MXD3: variants seen among roughly 807,000 people sequenced by gnomAD.
MXD3 encodes the protein Max-associated protein 3.
A neutral mutation model predicts 27.5 loss-of-function variants in MXD3; 20 were observed. That is an observed-to-expected ratio of 0.73 (90% CI 0.51 to 1.06). The LOEUF is 1.06. Among genes scored for constraint, MXD3 ranks in the 50% least tolerant of loss-of-function variants. The probability of loss-of-function intolerance (pLI) is 0.00; values close to 1 mark genes in which losing one functional copy is unlikely to be tolerated. For missense variants in MXD3, 298 were observed against 291.3 expected (o/e 1.02, Z -0.17); for synonymous variants, 150 against 130.7 (o/e 1.15, Z -1.01).
At chr5:177,305,536 C>A (rs72813180), downstream of MXD3, 2 of 308,776 alleles carry the variant, frequency 6.5e-6, no homozygotes, top group South Asian at 6.5e-5. Context: ...TCAGGAAGCT[C>A]CAGAGCTGCA....
Position 177,311,412 on chromosome 5 carries a change from G to A in MXD3, c.143C>T (p.Pro48Leu), listed in dbSNP as rs775046841. 84 of 1,441,336 alleles carry A rather than the reference G, an allele frequency of 5.8e-5. No homozygotes were observed. The highest frequency in any genetic ancestry group is 6.5e-5 in the Non-Finnish European group (72 of 1,104,156). The allele number at this position is 1,441,336 out of a possible 1,614,324, so 89.3% of individuals were successfully genotyped here. A position where few individuals can be genotyped will look rare whatever the true frequency, so the allele number is the denominator to read the frequency against. ...PGPIHRRKKR[P>L]PQAPGAQDSG... ...GTCCTGCGCGCCAGGAGCCTGGGGGGGTCGCTTCTTCCTCCTGTGGATGGG... is the reference window on the plus strand; with the variant it reads ...GTCCTGCGCGCCAGGAGCCTGGGGGAGTCGCTTCTTCCTCCTGTGGATGGG... Residue 48 changes from proline (P) to leucine (L), a missense_variant, in exon 2 of 6, where the codon CCC (proline) becomes CTC (leucine). Coordinates refer to ENST00000439742, the MANE Select transcript of MXD3 (RefSeq NM_031300.4).
At position 177,309,009 on chromosome 5, in the gene MXD3, G is replaced by A. The variant is rs567926041; in HGVS notation, c.322-1045C>T. Among the ~76,000 whole-genome samples the A allele has an allele frequency of 2.0e-5, 3 of 152,316 alleles. No homozygotes were observed. The East Asian group carries it at 5.8e-4, about 29-fold the overall frequency. The stretch of plus-strand genomic sequence containing the variant: ...TGGGCCATGGAGGCGTTTGGACTGG[G>A]CGTAGAAAGATAAGAGCTGCCGAGG... On this transcript the variant is annotated intron_variant, in intron 4 of 5. Transcript: ENST00000439742.
rs748684039 is a variant in MXD3, at chr5:177,311,854, C to G, written c.-24G>C. ...ATGTCGGCGACAGCTGGCGGCGGGC[C>G]GGCCTAGGGTGCCGGCCGGAGCAAG... is the stretch of plus-strand genomic sequence containing the variant. On this transcript the variant is annotated 5_prime_UTR_variant, in exon 1 of 6. Transcript: ENST00000439742. The G allele has an allele frequency of 6.2e-7, 1 of 1,606,296 alleles. No individual in the cohort carries two copies. The highest frequency in any genetic ancestry group is 8.5e-7 in the Non-Finnish European group (1 of 1,176,546).
At chr5:177,312,390 A>G, upstream of MXD3, 2 of 985,346 alleles carry the variant, frequency 2.0e-6, no homozygotes, top group Non-Finnish European at 2.4e-6. Context: ...CTGATGCCCT[A>G]TTGGCTGGCG....
downstream of MXD3, chr5:177,306,442 C>G: frequency 1.2e-6 from 2 of 1,614,130 alleles, no homozygotes; most frequent in Non-Finnish European, 1.7e-6. Context: ...TTCCAAAACA[C>G]TTGTTGAGAC....
At chr5:177,310,961 C>T (rs1431625578) in intron 2 of MXD3, 8 of 591,538 alleles carry the variant, frequency 1.4e-5, no homozygotes, top group East Asian at 1.1e-4. Context: ...CAGAAAGGAC[C>T]TCCCAGAGGT....
chr5:177,311,558 G>C, intron 1 of MXD3, 74 bp from the exon 2 acceptor site: 1 of 1,278,888 alleles, frequency 7.8e-7, no homozygotes, highest in Non-Finnish European at 1.1e-6. Flanking sequence ...GGCACAGCAC[G>C]GTCAAGGAAA....
chr5:177,306,598 G>C (rs752801287), downstream of MXD3: 13 of 1,601,504 alleles, frequency 8.1e-6, no homozygotes, highest in Non-Finnish European at 1.1e-5. Context: ...CAGCACCCCA[G>C]ACAGCTAGGC....
chr5:177,308,074 G>C lies in MXD3; in HGVS notation c.322-110C>G. ...GGCCACAGGGCCAATGCCCACTCCG[G>C]GCAGGTGGCGACTAAATCCAGGCCC... On this transcript the variant is annotated intron_variant, in intron 4 of 5. Coordinates refer to ENST00000439742, the MANE Select transcript of MXD3 (RefSeq NM_031300.4). 9.3e-6 allele frequency: 10 copies of C among 1,075,320 alleles called. No individual in the cohort carries two copies. In the South Asian group the frequency reaches 1.5e-4, roughly 17 times the overall value. 66.6% of individuals were successfully genotyped at this position (1,075,320 alleles called of 1,614,324 possible).
chr5:177,312,287 C>CGCGGGG (rs978167452), upstream of MXD3: 3 of 986,260 alleles, frequency 3.0e-6, no homozygotes, highest in African/African-American at 5.2e-5. Flanking sequence ...ACGTGGGTGC[C>CGCGGGG]GCGGGGGCGG....
intron 4 of MXD3, chr5:177,308,188 G>A (rs1760940051): frequency 1.8e-6 from 1 of 548,014 alleles, no homozygotes; most frequent in Admixed American, 3.2e-5. Context: ...TTGGGGGTGG[G>A]GGGGCACCAC....
chr5:177,307,359 C>T lies in MXD3; in HGVS notation c.*229G>A. 2 of 1,522,054 alleles carry T rather than the reference C, an allele frequency of 1.3e-6. No homozygotes were observed. The highest frequency in any genetic ancestry group is 1.8e-6 in the Non-Finnish European group (2 of 1,123,390). 94.3% of individuals were successfully genotyped at this position (1,522,054 alleles called of 1,614,324 possible). A position where few individuals can be genotyped will look rare whatever the true frequency, so the allele number is the denominator to read the frequency against. On this transcript the variant is annotated 3_prime_UTR_variant, in exon 6 of 6. Transcript: ENST00000439742. ...CTTGGGCTCGGGCCCAAGCTGCCTGCCCTGCAGGGGTCCAGGGAGGTCCTG... is the reference window on the plus strand; with the variant it reads ...CTTGGGCTCGGGCCCAAGCTGCCTGTCCTGCAGGGGTCCAGGGAGGTCCTG...
chr5:177,307,052 G>A (rs1199852768), downstream of MXD3: 21 of 1,452,622 alleles, frequency 1.4e-5, no homozygotes, highest in Non-Finnish European at 1.7e-5. Context: ...TCTACCATCC[G>A]TGAAGTGGAG....
Position 177,307,475 on chromosome 5 carries a change from T to C in MXD3, c.*113A>G. The C allele has an allele frequency of 6.5e-7, 1 of 1,539,074 alleles. No homozygotes were observed. Among genetic ancestry groups the C allele is most frequent in the Non-Finnish European group, 8.7e-7 (1 of 1,144,508 alleles). ...ACCTGTTCCCACACAAGGGTCCTTT[T>C]AGTCCATTCCAACAGGTGACTCCGA... On this transcript the variant is annotated 3_prime_UTR_variant, in exon 6 of 6. Transcript: ENST00000439742.
chr5:177,307,570 C>A lies in MXD3; in HGVS notation c.*18G>T. 6.2e-7 allele frequency: 1 copy of A among 1,610,578 alleles called. No homozygotes were observed. The highest frequency in any genetic ancestry group is 2.2e-5 in the East Asian group (1 of 44,818). On this transcript the variant is annotated 3_prime_UTR_variant, in exon 6 of 6. Transcript: ENST00000439742. ...CTGGCACGAGTAGAGGGCAGAGGCC[C>A]GCCCTGGGTGAGGAACATCATAGCC...
Position 177,308,194 on chromosome 5 carries a change from A to G in MXD3, c.322-230T>C, listed in dbSNP as rs1420279692. 6 of 544,230 alleles carry G rather than the reference A, an allele frequency of 1.1e-5. No individual in the cohort carries two copies. In the East Asian group the frequency reaches 1.2e-4, roughly 10 times the overall value. 33.7% of individuals were successfully genotyped at this position (544,230 alleles called of 1,614,324 possible). ...CTGCCTAGATTGGGGGTGGGGGGGC[A>G]CCACAATCTCAAAGGCATTTGGGGC... is the stretch of plus-strand genomic sequence containing the variant. On this transcript the variant is annotated intron_variant, in intron 4 of 5. Transcript: ENST00000439742.
Position 177,307,606 on chromosome 5 carries a change from G to A in MXD3, c.603C>T (p.Gly201=), listed in dbSNP as rs375473767. Residue 201 remains glycine, a synonymous_variant, in exon 6 of 6, where the codon GGC becomes GGT. Coordinates refer to ENST00000439742, the MANE Select transcript of MXD3 (RefSeq NM_031300.4). The stretch of plus-strand genomic sequence containing the variant: ...AGGAACATCATAGCCAGGCGCCGCC[G>A]CCGTGCGAGTAGCTGTGCTCCTGGC... ...VAGQEHSYSH[G]GGAWL 2.4e-5 allele frequency: 39 copies of A among 1,612,704 alleles called. No homozygotes were observed. The highest frequency in any genetic ancestry group is 4.0e-5 in the African/African-American group (3 of 74,942).
intron 4 of MXD3, 23 bp from the exon 5 acceptor site, chr5:177,307,987 G>A (rs757506717): frequency 4.7e-6 from 7 of 1,504,314 alleles, no homozygotes; most frequent in South Asian, 1.3e-5. Flanking sequence ...AAGGAGCAAG[G>A]GGCTGGGGTC....
upstream of MXD3, chr5:177,312,404 T>G: frequency 2.0e-6 from 2 of 985,424 alleles, no homozygotes; most frequent in South Asian, 9.4e-5. Context: ...GCTGGCGCTC[T>G]GCCCCGCCCT....
Sources: allele counts gnomAD v4.1 joint callset (sites outside exome capture counted in the v4.1 genomes callset), GRCh38; gene constraint gnomAD v4.1.1; transcripts MANE v1.5; gene names NCBI Gene and HGNC (gene_info 2026-07-23, HGNC 2026-07-21).